AGAP1: variants seen among roughly 807,000 people sequenced by gnomAD.
AGAP1 encodes the protein ArfGAP with GTPase domain, ankyrin repeat and PH domain 1, also known as arf-GAP with GTPase, ANK repeat and PH domain-containing protein 1.
In AGAP1, 29 loss-of-function variants were observed where a neutral mutation model predicts 105.3. The observed-to-expected ratio is 0.28, with a 90% CI of 0.21 to 0.38. The LOEUF (loss-of-function observed/expected upper bound fraction) is 0.38, where lower values mean the gene tolerates loss of function less well. Ranked by LOEUF, AGAP1 falls within the 10% of genes least tolerant of loss-of-function variation. The probability of loss-of-function intolerance (pLI) is 1.00; values close to 1 mark genes in which losing one functional copy is unlikely to be tolerated. For synonymous variants in AGAP1, 509 were observed against 485.9 expected, an observed-to-expected ratio of 1.05 and a Z score of -0.63; for missense variants, 998 against 1,165.1, an observed-to-expected ratio of 0.86 and a Z score of 2.09.
At chr2:235,650,605 G>T (rs1292521105) in intron 1 of AGAP1, among the ~76,000 whole-genome samples, 2 of 152,162 alleles carry the variant, frequency 1.3e-5, no homozygotes, top group African/African-American at 4.8e-5. Flanking sequence ...GCCTTCTGAG[G>T]TCCTGAGTGT....
Position 236,105,624 on chromosome 2 carries a change from C to A in AGAP1, c.2115-14568C>A, listed in dbSNP as rs953960022. On this transcript the variant is annotated intron_variant, in intron 16 of 17. Coordinates refer to ENST00000304032, the MANE Select transcript of AGAP1 (RefSeq NM_001037131.3). This position sits in a 1 kb window ranked among gnomAD's most constrained non-coding sequence, Gnocchi z 4.2. ...AGGCTGCAGTGCAGTGGCGTGAACTCGGCTCACTGCAACCTCCGCCTCCCG... is the reference window on the plus strand; with the variant it reads ...AGGCTGCAGTGCAGTGGCGTGAACTAGGCTCACTGCAACCTCCGCCTCCCG... 1.7e-4 allele frequency among the ~76,000 whole-genome samples: 25 copies of A among 147,004 alleles called. No individual in the cohort carries two copies. The highest frequency in any genetic ancestry group is 6.1e-4 in the African/African-American group (24 of 39,362).
At position 236,038,808 on chromosome 2, in the gene AGAP1, C is replaced by T. The variant is rs2057458550; in HGVS notation, c.1801-1943C>T. ...ACAGGTACACAGAGAGACAGAGGCACATCCCTTTGTATGTGTGTGTGTGTG... is the reference window on the plus strand; with the variant it reads ...ACAGGTACACAGAGAGACAGAGGCATATCCCTTTGTATGTGTGTGTGTGTG... On this transcript the variant is annotated intron_variant, in intron 14 of 17. Transcript: ENST00000304032. This position sits in a 1 kb window ranked among gnomAD's most constrained non-coding sequence, Gnocchi z 4.5. Among the ~76,000 whole-genome samples, 1 of 123,394 alleles carries T rather than the reference C, an allele frequency of 8.1e-6. No homozygotes were observed. 81.0% of individuals were successfully genotyped at this position (123,394 alleles called of 152,430 possible).
rs947530386 is a variant in AGAP1, at chr2:235,614,245, A to G, written c.164-94934A>G. On this transcript the variant is annotated intron_variant, in intron 1 of 17. Coordinates refer to ENST00000304032, the MANE Select transcript of AGAP1 (RefSeq NM_001037131.3). The surrounding 1 kb of genome is among the most constrained non-coding windows in gnomAD (Gnocchi z 4.7). ...AGAGTCACCCCATAATCATACAGTT[A>G]GCAGTGTGGCCAGCGTCACTTAAAG... Among the ~76,000 whole-genome samples the G allele has an allele frequency of 2.0e-5, 3 of 152,108 alleles. No homozygotes were observed. The highest frequency in any genetic ancestry group is 6.5e-5 in the Admixed American group (1 of 15,276).
chr2:235,930,784 T>G lies in AGAP1; in HGVS notation c.1344T>G (p.Ser448=). Residue 448 remains serine (S), a synonymous_variant, in exon 12 of 18, where the codon TCT becomes TCG. Transcript: ENST00000304032. The surrounding 1 kb of genome is among the most constrained non-coding windows in gnomAD (Gnocchi z 7.9). ...TCCTAGGGAATGTCACTAGTGCATC[T>G]GGGTCTCAGATGGCAAGCGGCATCA... The part of the protein sequence containing the change: ...SPNSGNVTSA[S]GSQMASGISL... The G allele has an allele frequency of 6.2e-7, 1 of 1,614,054 alleles. No homozygotes were observed. The highest frequency in any genetic ancestry group is 8.5e-7 in the Non-Finnish European group (1 of 1,179,998).
Position 235,705,249 on chromosome 2 carries a change from G to T in AGAP1, c.164-3930G>T, listed in dbSNP as rs1284160829. Among the ~76,000 whole-genome samples, 2 of 152,156 alleles carry T rather than the reference G, an allele frequency of 1.3e-5. No individual in the cohort carries two copies. The highest frequency in any genetic ancestry group is 4.8e-5 in the African/African-American group (2 of 41,434). On this transcript the variant is annotated intron_variant, in intron 1 of 17. Transcript: ENST00000304032. The surrounding 1 kb of genome is among the most constrained non-coding windows in gnomAD (Gnocchi z 4.9). ...GCGCCTCGGCCTCCTAAAGTGTTGG[G>T]ATTACAGGCGTGAGCCACCACGCCT...
In AGAP1 at chr2:235,797,804, T is replaced by C. The variant is rs752735364; in HGVS notation, c.719T>C (p.Ile240Thr). ...VATRKKQQLSIGPCKSLPNSP... is the reference protein window; with the variant it reads ...VATRKKQQLSTGPCKSLPNSP... The stretch of plus-strand genomic sequence containing the variant: ...ACAAGGAAGAAGCAGCAGCTGTCCA[T>C]AGGACCCTGCAAGTCGCTACCTAAT... The change falls in exon 7 of 18, where the codon ATA (isoleucine) becomes ACA (threonine). Residue 240 changes from isoleucine to threonine, a missense_variant. By Grantham distance (89) the Ile-to-Thr change is moderately conservative. Coordinates refer to ENST00000304032, the MANE Select transcript of AGAP1 (RefSeq NM_001037131.3). 1.8e-5 allele frequency: 29 copies of C among 1,614,072 alleles called. No homozygotes were observed. Among genetic ancestry groups the C allele is most frequent in the African/African-American group, 2.7e-5 (2 of 74,918 alleles).
At chr2:236,111,078 G>T (rs900988791) in intron 16 of AGAP1, among the ~76,000 whole-genome samples, 4 of 152,168 alleles carry the variant, frequency 2.6e-5, no homozygotes, top group Non-Finnish European at 5.9e-5. Context: ...CCTCCCAAAG[G>T]CTCTACCTCT....
rs1292913480 is a variant in AGAP1, at chr2:236,050,855, T to C, written c.2114+1574T>C. Among the ~76,000 whole-genome samples, 2 of 152,258 alleles carry C rather than the reference T, an allele frequency of 1.3e-5. No homozygotes were observed. The highest frequency in any genetic ancestry group is 6.5e-5 in the Admixed American group (1 of 15,292). On this transcript the variant is annotated intron_variant, in intron 16 of 17. Transcript: ENST00000304032. This position sits in a 1 kb window ranked among gnomAD's most constrained non-coding sequence, Gnocchi z 4.0. ...AATTATTCGAAGCAAAGATACGGGTTCATGTTTTACCTGATAAATGTTTTA... is the reference window on the plus strand; with the variant it reads ...AATTATTCGAAGCAAAGATACGGGTCCATGTTTTACCTGATAAATGTTTTA...
chr2:235,561,396 G>A (rs1324835934), intron 1 of AGAP1, among the ~76,000 whole-genome samples: 2 of 152,302 alleles, frequency 1.3e-5, no homozygotes, highest in Non-Finnish European at 1.5e-5. Flanking sequence ...GGTTGGGAGG[G>A]GTTTCCTGAC....
Position 235,792,938 on chromosome 2 carries a change from G to A in AGAP1, c.674-4821G>A, listed in dbSNP as rs1169822319. Among the ~76,000 whole-genome samples, 1 of 152,148 alleles carries A rather than the reference G, an allele frequency of 6.6e-6. No individual in the cohort carries two copies. ...CGCGAGGAGGTTGCCCAGGCAGAGG[G>A]CATGGGAAAAAGGACACCAGGAGGA... On this transcript the variant is annotated intron_variant, in intron 6 of 17. Coordinates refer to ENST00000304032, the MANE Select transcript of AGAP1 (RefSeq NM_001037131.3). This position sits in a 1 kb window ranked among gnomAD's most constrained non-coding sequence, Gnocchi z 5.3.
At position 235,712,202 on chromosome 2, in the gene AGAP1, A is replaced by C. The variant is rs1465618760; in HGVS notation, c.222+2965A>C. ...CACATCTGGCTAATTTTTTATTTTT[A>C]GTAGACAAGATTTTACCATGTTGGC... is the stretch of plus-strand genomic sequence containing the variant. On this transcript the variant is annotated intron_variant, in intron 2 of 17. Coordinates refer to ENST00000304032, the MANE Select transcript of AGAP1 (RefSeq NM_001037131.3). The surrounding 1 kb of genome is among the most constrained non-coding windows in gnomAD (Gnocchi z 6.0). Among the ~76,000 whole-genome samples, 1 of 151,996 alleles carries C rather than the reference A, an allele frequency of 6.6e-6. No homozygotes were observed. The highest frequency in any genetic ancestry group is 1.5e-5 in the Non-Finnish European group (1 of 68,002).
At chr2:236,097,176 T>C (rs2059211162) in intron 16 of AGAP1, among the ~76,000 whole-genome samples, 1 of 152,040 alleles carries the variant, frequency 6.6e-6, no homozygotes, top group African/African-American at 2.4e-5. Context: ...AATTGTGTCT[T>C]TCAGGATTAT....
Position 235,792,523 on chromosome 2 carries a change from C to A in AGAP1, c.674-5236C>A, listed in dbSNP as rs140241564. 6.8e-3 allele frequency among the ~76,000 whole-genome samples: 1,029 copies of A among 152,240 alleles called. 14 individuals carry two copies. The highest frequency in any genetic ancestry group is 0.034 in the Middle Eastern group (10 of 294). The stretch of plus-strand genomic sequence containing the variant: ...AGGTCGCCCTGTGGTGTGTTAGGGG[C>A]ATTTAGGGGACAGTCAGGGAGACTC... On this transcript the variant is annotated intron_variant, in intron 6 of 17. Transcript: ENST00000304032. The surrounding 1 kb of genome is among the most constrained non-coding windows in gnomAD (Gnocchi z 5.3).
At position 235,799,165 on chromosome 2, in the gene AGAP1, G is replaced by A. The variant is rs1957378695; in HGVS notation, c.802-202G>A. ...CACTTTTCTCAGGGGATGCCACTGAGTGAGATGATTGGCATGTTCCAGGAT... is the reference window on the plus strand; with the variant it reads ...CACTTTTCTCAGGGGATGCCACTGAATGAGATGATTGGCATGTTCCAGGAT... On this transcript the variant is annotated intron_variant, in intron 7 of 17. Transcript: ENST00000304032. The surrounding 1 kb of genome is among the most constrained non-coding windows in gnomAD (Gnocchi z 5.0). 6.6e-6 allele frequency among the ~76,000 whole-genome samples: 1 copy of A among 152,226 alleles called. No homozygotes were observed. Among genetic ancestry groups the A allele is most frequent in the South Asian group, 2.1e-4 (1 of 4,834 alleles).
chr2:235,572,961 G>GATT (rs1296809914), intron 1 of AGAP1, among the ~76,000 whole-genome samples: 1 of 150,642 alleles, frequency 6.6e-6, no homozygotes, highest in Non-Finnish European at 1.5e-5. Context: ...CAGACTCCCC[G>GATT]ATTGCTCCAT....
intron 10 of AGAP1, among the ~76,000 whole-genome samples, chr2:235,897,297 CCCAACCTGCTGGGATTACAGGCGTGAA>C (rs1181956642): frequency 6.6e-6 from 1 of 152,176 alleles, no homozygotes; most frequent in African/African-American, 2.4e-5. Flanking sequence ...ACCTCGGCCT[CCCAACCTGCTGGGATTACAGGCGTGAA>C]CCACCACGCC....
chr2:235,890,294 C>G lies in AGAP1; in HGVS notation c.1155+6845C>G, dbSNP rs150155405. Among the ~76,000 whole-genome samples the G allele has an allele frequency of 5.9e-3, 897 of 151,522 alleles. 4 individuals carry two copies. Among genetic ancestry groups the G allele is most frequent in the African/African-American group, 0.021 (853 of 41,346 alleles). On this transcript the variant is annotated intron_variant, in intron 10 of 17. Transcript: ENST00000304032. ...TCAGCCTCCTAAGTAGCTGGGATTACAGGCATGCACCACCACGCCTGGCTA... is the reference window on the plus strand; with the variant it reads ...TCAGCCTCCTAAGTAGCTGGGATTAGAGGCATGCACCACCACGCCTGGCTA...
chr2:235,755,504 G>A (rs888643718), intron 6 of AGAP1, among the ~76,000 whole-genome samples: 1 of 152,152 alleles, frequency 6.6e-6, no homozygotes, highest in Non-Finnish European at 1.5e-5. Context: ...GCAGTGGCAC[G>A]ATCTAGACTC....
In AGAP1 at chr2:236,120,253, C is replaced by T. The variant is rs899731949; in HGVS notation, c.2176C>T (p.Pro726Ser). ...YEQKLFLAPL[P>S]CTELSLGQHL... The stretch of plus-strand genomic sequence containing the variant: ...GCAGAAGCTCTTCCTGGCCCCGCTG[C>T]CCTGCACGGAGCTGTCCCTGGGCCA... Residue 726 changes from proline to serine, a missense_variant, in exon 17 of 18, where the codon CCC (proline) becomes TCC (serine). By Grantham distance (74) the Pro-to-Ser change is moderately conservative. This residue lies in a region of AGAP1 where 235 missense variants were observed against 270.7 expected (regional missense o/e 0.87). Transcript: ENST00000304032. The surrounding 1 kb of genome is among the most constrained non-coding windows in gnomAD (Gnocchi z 6.0). The T allele has an allele frequency of 1.2e-6, 2 of 1,613,380 alleles. No homozygotes were observed. Among genetic ancestry groups the T allele is most frequent in the South Asian group, 1.1e-5 (1 of 91,034 alleles).
Sources: allele counts gnomAD v4.1 joint callset (sites outside exome capture counted in the v4.1 genomes callset), GRCh38; gene constraint gnomAD v4.1.1; regional missense constraint gnomAD v4.1.1; non-coding constraint Gnocchi (gnomAD v3.1); transcripts MANE v1.5; gene names NCBI Gene and HGNC (gene_info 2026-07-23, HGNC 2026-07-21).